CELF2: variants seen among roughly 807,000 people sequenced by gnomAD.
CELF2 encodes the protein CUGBP Elav-like family member 2.
Under a neutral mutation model 62.6 loss-of-function variants are expected in CELF2, and 8 were observed. The ratio of observed to expected loss-of-function variants is 0.13; its 90% CI spans 0.07 to 0.23. CELF2 has a LOEUF of 0.23. Ranked by LOEUF, CELF2 falls within the 10% of genes least tolerant of loss-of-function variation. The pLI is 1.00. For synonymous variants in CELF2, 258 were observed against 250.0 expected (o/e 1.03, Z -0.30); for missense variants, 333 against 671.0 (o/e 0.50, Z 5.56).
At position 11,191,411 on chromosome 10, in the gene CELF2, C is replaced by A. The variant is rs938111038; in HGVS notation, c.271+25729C>A. On this transcript the variant is annotated intron_variant, in intron 2 of 12. Transcript: ENST00000633077. This position sits in a 1 kb window ranked among gnomAD's most constrained non-coding sequence, Gnocchi z 4.1. Reference sequence around the variant, plus strand: ...CGTCCTCTATTGTGTGGGAGGTACCCCAGGCAATGAAACGGAGAGGTGTCT... The same window carrying A: ...CGTCCTCTATTGTGTGGGAGGTACCACAGGCAATGAAACGGAGAGGTGTCT... Among the ~76,000 whole-genome samples, 1 of 152,132 alleles carries A rather than the reference C, an allele frequency of 6.6e-6. No homozygotes were observed. The highest frequency in any genetic ancestry group is 2.4e-5 in the African/African-American group (1 of 41,418).
rs184170085 is a variant in CELF2, at chr10:10,981,658, T to G, written c.89+61659T>G. Among the ~76,000 whole-genome samples, 3 of 152,366 alleles carry G rather than the reference T, an allele frequency of 2.0e-5. No homozygotes were observed. The East Asian group carries it at 5.8e-4, about 29-fold the overall frequency. ...CCCTTTTCTAGGGCTCTGCTCATTTTATTCCATTTCACACTCATCTTTTTC... is the reference window on the plus strand; with the variant it reads ...CCCTTTTCTAGGGCTCTGCTCATTTGATTCCATTTCACACTCATCTTTTTC... On this transcript the variant is annotated intron_variant, in intron 2 of 13. Coordinates refer to the CELF2 transcript ENST00000636488.
the CELF2 span, among the ~76,000 whole-genome samples, chr10:10,751,831 A>T: frequency 6.6e-6 from 1 of 152,140 alleles, no homozygotes; most frequent in African/African-American, 2.4e-5. Context: ...GCGAATGGAA[A>T]TTTTTTTAAT....
intron 1 of CELF2, among the ~76,000 whole-genome samples, chr10:11,045,780 C>CAATATAACA (rs1361691956): frequency 6.6e-6 from 1 of 152,068 alleles, no homozygotes; most frequent in Non-Finnish European, 1.5e-5. Flanking sequence ...CTGCTGAACG[C>CAATATAACA]AATATAACAA....
rs953007323 is a variant in CELF2 at position 11,217,816 on chromosome 10, C to A, written c.354+309C>A. ...CTAAGATTTTAAAAGGAAAAAAAAA[C>A]CCAACACACACAAGAGAAGCAAATG... On this transcript the variant is annotated intron_variant, in intron 3 of 12. Transcript: ENST00000633077. The surrounding 1 kb of genome is among the most constrained non-coding windows in gnomAD (Gnocchi z 5.6). Among the ~76,000 whole-genome samples, 1 of 151,990 alleles carries A rather than the reference C, an allele frequency of 6.6e-6. No homozygotes were observed. Among genetic ancestry groups the A allele is most frequent in the Non-Finnish European group, 1.5e-5 (1 of 67,990 alleles).
chr10:10,963,049 GTT>G (rs2049714260), intron 2 of CELF2, among the ~76,000 whole-genome samples: 1 of 147,178 alleles, frequency 6.8e-6, no homozygotes, highest in African/African-American at 2.6e-5. Context: ...GTTTTGTTTT[GTT>G]TTGTTTTGTG....
chr10:11,002,775 C>T (rs2054649628), upstream of CELF2, among the ~76,000 whole-genome samples: 1 of 152,000 alleles, frequency 6.6e-6, no homozygotes, highest in African/African-American at 2.4e-5. This position sits in a 1 kb window ranked among gnomAD's most constrained non-coding sequence, Gnocchi z 4.4. Context: ...CTATGCTGAC[C>T]AGTGCCTGAA....
At chr10:11,058,717 C>A (rs774489503) in intron 1 of CELF2, among the ~76,000 whole-genome samples, 2 of 152,084 alleles carry the variant, frequency 1.3e-5, no homozygotes, top group African/African-American at 2.4e-5. Flanking sequence ...ATCCACCCCC[C>A]TCAGCCTCCC....
At chr10:10,937,121 C>CTTTTTTT (rs373143426) in intron 2 of CELF2, among the ~76,000 whole-genome samples, 40 of 90,514 alleles carry the variant, frequency 4.4e-4, no homozygotes, top group African/African-American at 1.3e-3. Flanking sequence ...TTTTTCTTTT[C>CTTTTTTT]TTTTTTTTTT....
chr10:10,988,290 TATATAGAG>T (rs1251486599), intron 2 of CELF2, among the ~76,000 whole-genome samples: 4 of 149,680 alleles, frequency 2.7e-5, no homozygotes, highest in African/African-American at 1.0e-4. Context: ...TATATATATA[TATATAGAG>T]AGAGAGAGAG....
the CELF2 span, among the ~76,000 whole-genome samples, chr10:10,730,524 C>G: frequency 2.0e-5 from 3 of 152,144 alleles, no homozygotes; most frequent in African/African-American, 7.2e-5. Flanking sequence ...ATTGTGTTTT[C>G]TAGCATGTAG....
At chr10:10,475,864 T>G in the CELF2 span, among the ~76,000 whole-genome samples, 1 of 152,142 alleles carries the variant, frequency 6.6e-6, no homozygotes, top group South Asian at 2.1e-4. Flanking sequence ...ATTTTCTTCC[T>G]TTTATTATTT....
chr10:10,736,357 ATTCT>A, the CELF2 span, among the ~76,000 whole-genome samples: 21,275 of 109,378 alleles, frequency 0.19, 2,276 homozygotes, highest in South Asian at 0.4. Flanking sequence ...ACTGATTTCT[ATTCT>A]TTCTTTCTTT....
the CELF2 span, among the ~76,000 whole-genome samples, chr10:10,755,104 G>GA: frequency 6.6e-6 from 1 of 151,952 alleles, no homozygotes; most frequent in South Asian, 2.1e-4. Context: ...TTGAAAGGGA[G>GA]AAAAAAATAA....
chr10:10,882,251 G>A (rs1201990575), intron 1 of CELF2, among the ~76,000 whole-genome samples: 2 of 152,174 alleles, frequency 1.3e-5, no homozygotes, highest in Non-Finnish European at 2.9e-5. Context: ...TCAGAAAAGT[G>A]AGGTCCAAAG....
intron 3 of CELF2, among the ~76,000 whole-genome samples, chr10:11,235,954 T>G (rs544220864): frequency 9.8e-5 from 15 of 152,296 alleles, no homozygotes; most frequent in Middle Eastern, 3.4e-3. Context: ...TGGAGGTAAA[T>G]GAATGGAAAA....
intron 1 of CELF2, among the ~76,000 whole-genome samples, chr10:11,140,889 C>T (rs1441667863): frequency 2.6e-5 from 4 of 152,120 alleles, no homozygotes; most frequent in Admixed American, 6.5e-5. Context: ...TGATGGAGTG[C>T]GCCTGTATTC....
chr10:11,121,795 C>T (rs944721970), intron 1 of CELF2, among the ~76,000 whole-genome samples: 8 of 152,026 alleles, frequency 5.3e-5, no homozygotes, highest in Non-Finnish European at 1.2e-4. Flanking sequence ...GTGTTTCTTG[C>T]AGAAACTGTC....
chr10:11,230,595 G>T (rs908008312), intron 3 of CELF2, among the ~76,000 whole-genome samples: 7 of 152,228 alleles, frequency 4.6e-5, no homozygotes, highest in African/African-American at 1.7e-4. Flanking sequence ...GACTATGGAG[G>T]ACAGGAGGTG....
chr10:10,965,096 T>C (rs779825743), intron 2 of CELF2, among the ~76,000 whole-genome samples: 10 of 152,234 alleles, frequency 6.6e-5, no homozygotes, highest in Non-Finnish European at 1.5e-4. Context: ...TCCCTCTCGT[T>C]TCTCATTTGC....
Sources: gnomAD v4.1 joint callset for allele counts (sites outside exome capture counted in the v4.1 genomes callset) on GRCh38, gnomAD v4.1.1 for gene constraint, Gnocchi (gnomAD v3.1) non-coding constraint, MANE v1.5 for transcripts, NCBI Gene and HGNC (gene_info 2026-07-23, HGNC 2026-07-21) for gene names.